NUCB2: variants seen among roughly 807,000 people sequenced by gnomAD.
NUCB2 encodes nucleobindin 2, also known as nucleobindin-2.
A neutral mutation model predicts 57.9 loss-of-function variants in NUCB2; 48 were observed. That is an observed-to-expected ratio of 0.83 (90% CI 0.66 to 1.05). NUCB2 has a LOEUF of 1.05. Among genes scored for constraint, NUCB2 ranks in the 50% least tolerant of loss-of-function variants. NUCB2 has a pLI of 0.00. For synonymous variants in NUCB2, 139 were observed against 152.1 expected (o/e 0.91, Z 0.64); for missense variants, 442 against 476.2 (o/e 0.93, Z 0.67).
At chr11:17,285,796 C>T (rs926027952) in intron 2 of NUCB2, among the ~76,000 whole-genome samples, 9 of 150,966 alleles carry the variant, frequency 6.0e-5, no homozygotes, top group African/African-American at 1.9e-4. Context: ...GAGACTACTT[C>T]CAAGGAAAGA....
At chr11:17,294,966 T>C (rs1945577846) in intron 2 of NUCB2, among the ~76,000 whole-genome samples, 1 of 152,152 alleles carries the variant, frequency 6.6e-6, no homozygotes, top group South Asian at 2.1e-4. Context: ...GAGAATCGCT[T>C]GAACCCAGGA....
chr11:17,282,705 CAT>C (rs1942967072), intron 1 of NUCB2, 82 bp from the exon 2 acceptor site: 1 of 152,170 alleles, frequency 6.6e-6, no homozygotes, highest in Admixed American at 6.5e-5. Flanking sequence ...CATACACTAT[CAT>C]GTACCATTAC....
At chr11:17,296,474 T>C (rs1346430900) in intron 4 of NUCB2, among the ~76,000 whole-genome samples, 1 of 152,076 alleles carries the variant, frequency 6.6e-6, no homozygotes, top group Non-Finnish European at 1.5e-5. Flanking sequence ...TAAGGAACCC[T>C]CAAGGGAAAA....
At chr11:17,324,338 T>A (rs1280818048) in intron 11 of NUCB2, among the ~76,000 whole-genome samples, 2 of 152,224 alleles carry the variant, frequency 1.3e-5, no homozygotes, top group African/African-American at 2.4e-5. Flanking sequence ...ATTGTTTAAT[T>A]TCCATGTGTT....
chr11:17,324,991 A>G (rs1217529369), intron 11 of NUCB2, among the ~76,000 whole-genome samples: 1 of 151,704 alleles, frequency 6.6e-6, no homozygotes, highest in Non-Finnish European at 1.5e-5. Flanking sequence ...TTTAGTAGAG[A>G]TGGGGTTTAC....
chr11:17,313,249 G>A (rs578113761), intron 10 of NUCB2, among the ~76,000 whole-genome samples: 2 of 150,924 alleles, frequency 1.3e-5, no homozygotes, highest in East Asian at 1.9e-4. Context: ...TTTTTTTTGG[G>A]CTGGGCATGA....
chr11:17,318,524 G>T (rs1463034898), intron 11 of NUCB2, among the ~76,000 whole-genome samples: 2 of 152,026 alleles, frequency 1.3e-5, no homozygotes, highest in African/African-American at 4.8e-5. Context: ...CGTGATTAGG[G>T]TTGTTTTATA....
At chr11:17,277,721 G>A (rs1191525943) in intron 1 of NUCB2, among the ~76,000 whole-genome samples, 1 of 152,154 alleles carries the variant, frequency 6.6e-6, no homozygotes, top group African/African-American at 2.4e-5. Flanking sequence ...TATTACCTTG[G>A]TTTAAAAATA....
At chr11:17,287,719 G>A (rs1048921025) in intron 2 of NUCB2, among the ~76,000 whole-genome samples, 1 of 151,842 alleles carries the variant, frequency 6.6e-6, no homozygotes, top group Non-Finnish European at 1.5e-5. Context: ...AACTTTAAGG[G>A]CTAGATGTGG....
At chr11:17,291,730 T>C (rs1393411575) in intron 2 of NUCB2, among the ~76,000 whole-genome samples, 2 of 152,122 alleles carry the variant, frequency 1.3e-5, no homozygotes, top group Non-Finnish European at 2.9e-5. Context: ...TTGTTTCTGC[T>C]TCCACAGAAG....
At chr11:17,334,225 G>C (rs1951627714), downstream of NUCB2, 2 of 152,166 alleles carry the variant, frequency 1.3e-5, no homozygotes, top group Non-Finnish European at 2.9e-5. Flanking sequence ...GTATATATAG[G>C]TCACAGAATC....
Position 17,288,957 on chromosome 11 carries a change from A to ATTTTTTT in NUCB2, c.-1+6015_-1+6016insTTTTTTT, listed in dbSNP as rs1314774026. On this transcript the variant is annotated intron_variant, in intron 2 of 13. Transcript: ENST00000529010. Reference sequence around the variant, plus strand: ...CACACACACACACACACACATATATATATATATTTTTTTTTTTTGAGATGG... The same window carrying ATTTTTTT: ...CACACACACACACACACACATATATATTTTTTTTATATATTTTTTTTTTTTGAGATGG... Among the ~76,000 whole-genome samples, 8 of 80,358 alleles carry ATTTTTTT rather than the reference A, an allele frequency of 1.0e-4. 1 individual carries two copies. The highest frequency in any genetic ancestry group is 5.4e-4 in the African/African-American group (7 of 12,876). The allele number at this position is 80,358 out of a possible 152,430, so 52.7% of individuals were successfully genotyped here. A position where few individuals can be genotyped will look rare whatever the true frequency, so the allele number is the denominator to read the frequency against.
intron 2 of NUCB2, among the ~76,000 whole-genome samples, chr11:17,294,971 C>G (rs12285285): frequency 1.5e-3 from 228 of 152,164 alleles, no homozygotes; most frequent in African/African-American, 5.2e-3. Flanking sequence ...TCGCTTGAAC[C>G]CAGGAGGCAG....
intron 4 of NUCB2, 58 bp downstream of exon 4, chr11:17,296,269 G>A (rs1416004001): frequency 1.4e-5 from 15 of 1,071,986 alleles, no homozygotes; most frequent in Non-Finnish European, 1.9e-5. Context: ...TTTTTTTAGA[G>A]ATGAGGTCTC....
At chr11:17,293,209 G>A (rs1370249659) in intron 2 of NUCB2, among the ~76,000 whole-genome samples, 2 of 150,450 alleles carry the variant, frequency 1.3e-5, no homozygotes, top group East Asian at 2.0e-4. Context: ...AGCCGAGATC[G>A]GGCCATTGCA....
chr11:17,319,159 C>G (rs1949686883), intron 11 of NUCB2, among the ~76,000 whole-genome samples: 1 of 152,120 alleles, frequency 6.6e-6, no homozygotes, highest in Non-Finnish European at 1.5e-5. Context: ...TGTTAGTTGG[C>G]TTTCTACTGT....
intron 1 of NUCB2, among the ~76,000 whole-genome samples, chr11:17,280,027 A>G (rs940628324): frequency 1.3e-5 from 2 of 152,120 alleles, no homozygotes; most frequent in Non-Finnish European, 2.9e-5. Context: ...TTCTAGGCTC[A>G]AGCGATCTGC....
At chr11:17,317,972 AGC>A (rs1949486528) in intron 11 of NUCB2, among the ~76,000 whole-genome samples, 1 of 125,514 alleles carries the variant, frequency 8.0e-6, no homozygotes, top group Admixed American at 8.2e-5. Flanking sequence ...GAAAGAAGTC[AGC>A]TTTTTTTTTT....
At position 17,311,282 on chromosome 11, in the gene NUCB2, T is replaced by TG. The variant is rs1948447699; in HGVS notation, c.760+1dup. On this transcript the variant is annotated frameshift_variant and splice_region_variant, in exon 8 of 14. Transcript: ENST00000529010. LOFTEE classifies it high-confidence loss of function. ...ACCCCAAGACATTTTTCAAATTACA[T>TG]GGTAACGATTTGATACAAATATTAA... is the stretch of plus-strand genomic sequence containing the variant. 1 of 1,577,402 alleles carries TG rather than the reference T, an allele frequency of 6.3e-7. No homozygotes were observed. The highest frequency in any genetic ancestry group is 1.4e-5 in the African/African-American group (1 of 73,850).
Sources: gnomAD v4.1 joint callset for allele counts (sites outside exome capture counted in the v4.1 genomes callset) on GRCh38, gnomAD v4.1.1 for gene constraint, MANE v1.5 for transcripts, NCBI Gene and HGNC (gene_info 2026-07-23, HGNC 2026-07-21) for gene names.